Variants in ATP2C2 observed in about 807,000 individuals in gnomAD.
ATP2C2 encodes the protein ATPase secretory pathway Ca2+ transporting 2.
In ATP2C2, 171 loss-of-function variants were observed where a neutral mutation model predicts 110.8. The ratio of observed to expected loss-of-function variants is 1.54; its 90% CI spans 1.36 to 1.75. The LOEUF is 1.75. Among genes scored for constraint, ATP2C2 ranks in the 40% most tolerant of loss-of-function variants. The pLI is 0.00. For missense variants in ATP2C2, 1,963 were observed against 1,235.0 expected, an observed-to-expected ratio of 1.59 and a Z score of -8.84; for synonymous variants, 804 against 508.4, an observed-to-expected ratio of 1.58 and a Z score of -7.82.
chr16:84,398,465 A>T, intron 1 of ATP2C2, 34 bp from the exon 2 acceptor site: 1 of 1,449,526 alleles, frequency 6.9e-7, no homozygotes, highest in Non-Finnish European at 9.4e-7. Context: ...ACAAAAGTTC[A>T]ATCCGCTAAA....
In ATP2C2 at chr16:84,459,402, C is replaced by G; in HGVS notation, c.2333+16C>G. ...CGGCGCAGAGGTGAGGCAGGGCCGG[C>G]TGGGAGCCCTGTGTCTCTTTACCCA... On this transcript the variant is annotated intron_variant, in intron 23 of 26. Transcript: ENST00000262429. 3 of 1,611,488 alleles carry G rather than the reference C, an allele frequency of 1.9e-6. No homozygotes were observed. Among genetic ancestry groups the G allele is most frequent in the Non-Finnish European group, 2.5e-6 (3 of 1,177,648 alleles).
chr16:84,432,393 C>T (rs964198678), intron 11 of ATP2C2, among the ~76,000 whole-genome samples: 3 of 151,978 alleles, frequency 2.0e-5, no homozygotes, highest in Non-Finnish European at 4.4e-5. Flanking sequence ...GGTTTTAAGC[C>T]CCACATGCAT....
rs143609735 is a variant in ATP2C2, at chr16:84,464,016, C to A, written c.*284C>A. The A allele has an allele frequency of 1.3e-5, 4 of 297,364 alleles. No individual in the cohort carries two copies. The highest frequency in any genetic ancestry group is 2.1e-5 in the African/African-American group (1 of 46,696). The allele number at this position is 297,364 out of a possible 1,614,324, so 18.4% of individuals were successfully genotyped here. Reference sequence around the variant, plus strand: ...GATTTTTATTAACCATGTCTAACTACGTATCTGTGCCACAGCTTGCAGTGA... The same window carrying A: ...GATTTTTATTAACCATGTCTAACTAAGTATCTGTGCCACAGCTTGCAGTGA... On this transcript the variant is annotated 3_prime_UTR_variant, in exon 27 of 27. Coordinates refer to ENST00000262429, the MANE Select transcript of ATP2C2 (RefSeq NM_014861.4).
chr16:84,381,395 A>C (rs1910571451), intron 1 of ATP2C2, among the ~76,000 whole-genome samples: 2 of 152,230 alleles, frequency 1.3e-5, no homozygotes, highest in Non-Finnish European at 1.5e-5. Context: ...GAGGCCTGAC[A>C]GTGAAACCTC....
At chr16:84,422,603 C>T (rs1907447601) in intron 8 of ATP2C2, 26 bp from the exon 9 acceptor site, 1 of 1,611,172 alleles carries the variant, frequency 6.2e-7, no homozygotes, top group Non-Finnish European at 8.5e-7. Flanking sequence ...CCTTAGATTT[C>T]ATACTTCTCT....
rs753914838 is a variant in ATP2C2 at position 84,453,196 on chromosome 16, C to T, written c.1890C>T (p.Asp630=). Residue 630 remains aspartate, a synonymous_variant, in exon 19 of 27, where the codon GAC becomes GAT. Transcript: ENST00000262429. ...AAGCCATGTCCGGGGAGGAGGTGGA[C>T]AGCGTGGAGAAGGGCGAGCTGGCCG... The part of the protein sequence containing the change: ...KLQAMSGEEV[D]SVEKGELADR... 3.7e-6 allele frequency: 6 copies of T among 1,613,800 alleles called. No homozygotes were observed. In the Admixed American group the frequency reaches 8.3e-5, roughly 22 times the overall value.
rs746597904 is a variant in ATP2C2, at chr16:84,439,452, C to G, written c.1137C>G (p.Asp379Glu). 1.2e-6 allele frequency: 2 copies of G among 1,614,138 alleles called. No homozygotes were observed. Among genetic ancestry groups the G allele is most frequent in the East Asian group, 2.2e-5 (1 of 44,880 alleles). ...GTTGCTGCAGCGTTCTCTGTTCTGACAAGACGGGGACTCTGACTGCCAATG... is the reference window on the plus strand; with the variant it reads ...GTTGCTGCAGCGTTCTCTGTTCTGAGAAGACGGGGACTCTGACTGCCAATG... ...TLGCCSVLCS[D>E]KTGTLTANEM... is the part of the protein sequence containing the mutation. Residue 379 changes from aspartate to glutamate, a missense_variant, in exon 13 of 27, where the codon GAC becomes GAG. Transcript: ENST00000262429.
At chr16:84,391,121 AAAAAAAAAAAAAAG>A (rs1904635391) in intron 1 of ATP2C2, among the ~76,000 whole-genome samples, 1 of 151,222 alleles carries the variant, frequency 6.6e-6, no homozygotes, top group Admixed American at 6.6e-5. Flanking sequence ...CTCAAAAAAA[AAAAAAAAAAAAAAG>A]AAGAAGAAGA....
rs368682123 is a variant in ATP2C2, at chr16:84,461,807, T to A, written c.2575T>A (p.Ser859Thr). Residue 859 changes from serine to threonine, a missense_variant, in exon 25 of 27, where the codon TCT becomes ACT. Ser to Thr is a moderately conservative substitution (Grantham distance 58). Coordinates refer to ENST00000262429, the MANE Select transcript of ATP2C2 (RefSeq NM_014861.4). ...TCTCTTCAACGCCTTGACCTGCCGC[T>A]CTCAGGTGAGACCCGGGCTGACCCT... ...FDLFNALTCR[S>T]QTKLIFEIGF... 4.3e-5 allele frequency: 70 copies of A among 1,613,740 alleles called. No individual in the cohort carries two copies. The highest frequency in any genetic ancestry group is 5.7e-5 in the Non-Finnish European group (67 of 1,179,696).
intron 6 of ATP2C2, among the ~76,000 whole-genome samples, chr16:84,412,394 G>T (rs1323073767): frequency 3.5e-5 from 5 of 143,360 alleles, no homozygotes; most frequent in Admixed American, 1.4e-4. Flanking sequence ...ATATGTGTCT[G>T]TGTGTGTCTG....
intron 18 of ATP2C2, 93 bp downstream of exon 18, chr16:84,452,184 G>A (rs1289596614): frequency 2.7e-6 from 4 of 1,495,638 alleles, no homozygotes; most frequent in Non-Finnish European, 3.6e-6. Context: ...CGCAAACTCG[G>A]TCAGGAGTGC....
At chr16:84,424,845 G>C (rs1016274651) in intron 10 of ATP2C2, among the ~76,000 whole-genome samples, 6 of 152,192 alleles carry the variant, frequency 3.9e-5, no homozygotes, top group African/African-American at 1.2e-4. Flanking sequence ...GTGAGCTCCT[G>C]TGAGGAGTCT....
chr16:84,445,444 G>A (rs770745114), intron 15 of ATP2C2, among the ~76,000 whole-genome samples: 5 of 152,060 alleles, frequency 3.3e-5, no homozygotes, highest in Admixed American at 1.3e-4. Context: ...TCCTCACCCC[G>A]TGATCCACCC....
At chr16:84,380,590 T>A (rs928481873) in intron 1 of ATP2C2, among the ~76,000 whole-genome samples, 5 of 152,154 alleles carry the variant, frequency 3.3e-5, no homozygotes, top group South Asian at 2.1e-4. Context: ...CTTGGCCCCT[T>A]TTCTGCGCAA....
rs781325029 is a variant in ATP2C2 at position 84,448,521 on chromosome 16, GTCTTT to G, written c.1504-8_1504-4del. ...CAGTGATAGTGGATTTCTTCCCTTT[GTCTTT>G]TCTAAGGATCAGGAAGACATTTACT... On this transcript the variant is annotated splice_polypyrimidine_tract_variant and splice_region_variant and intron_variant, in intron 16 of 26. Transcript: ENST00000262429. 3.6e-5 allele frequency: 57 copies of G among 1,602,148 alleles called. No individual in the cohort carries two copies. Among genetic ancestry groups the G allele is most frequent in the Non-Finnish European group, 4.4e-5 (51 of 1,171,590 alleles).
intron 13 of ATP2C2, 124 bp from the exon 14 acceptor site, chr16:84,440,733 G>A: frequency 1.4e-6 from 1 of 709,888 alleles, no homozygotes; most frequent in Non-Finnish European, 2.5e-6. Context: ...TCTTCATACT[G>A]AAAGCCCTGT....
chr16:84,455,822 G>C (rs1232217814), intron 21 of ATP2C2, among the ~76,000 whole-genome samples: 1 of 147,234 alleles, frequency 6.8e-6, no homozygotes, highest in East Asian at 2.0e-4. Flanking sequence ...AATTTATTGA[G>C]AGTTTTTAGC....
chr16:84,406,332 G>C (rs573504500), intron 3 of ATP2C2, among the ~76,000 whole-genome samples: 7 of 152,244 alleles, frequency 4.6e-5, no homozygotes, highest in Non-Finnish European at 1.0e-4. Flanking sequence ...CAGTGAACAG[G>C]CAGAATTTTC....
At chr16:84,460,610 C>T (rs1321296627) in intron 23 of ATP2C2, 44 bp from the exon 24 acceptor site, 3 of 1,613,770 alleles carry the variant, frequency 1.9e-6, no homozygotes, top group African/African-American at 2.7e-5. Flanking sequence ...TCCTTTATTT[C>T]ATTCCTGGTT....
Sources: gnomAD v4.1 joint callset for allele counts (sites outside exome capture counted in the v4.1 genomes callset) on GRCh38, gnomAD v4.1.1 for gene constraint, MANE v1.5 for transcripts, NCBI Gene and HGNC (gene_info 2026-07-23, HGNC 2026-07-21) for gene names.